Variants in NRG1 observed in about 807,000 individuals in gnomAD.
The protein encoded by NRG1 is neuregulin 1.
NRG1 carries 18 observed loss-of-function variants against 63.8 expected under a neutral mutation model. The observed-to-expected ratio is 0.28, with a 90% CI of 0.19 to 0.42. The LOEUF is 0.42. Ranked by LOEUF, NRG1 falls within the 10% of genes least tolerant of loss-of-function variation. The pLI, the probability that NRG1 is intolerant of heterozygous loss-of-function variation, is 1.00. For synonymous variants in NRG1, 302 were observed against 301.3 expected (o/e 1.00, Z -0.02); for missense variants, 762 against 814.7 (o/e 0.94, Z 0.79).
chr8:32,598,060 G>A (rs1224524326), intron 2 of NRG1, among the ~76,000 whole-genome samples: 1 of 152,158 alleles, frequency 6.6e-6, no homozygotes, highest in Non-Finnish European at 1.5e-5. Context: ...AAGGATACCA[G>A]TAATATTTAA....
intron 11 of NRG1, among the ~76,000 whole-genome samples, chr8:32,762,272 T>C (rs1830857259): frequency 6.6e-6 from 1 of 152,110 alleles, no homozygotes; most frequent in Admixed American, 6.6e-5. Flanking sequence ...TTCAATCGTT[T>C]TTTGAAACAT....
intron 1 of NRG1, among the ~76,000 whole-genome samples, chr8:31,912,723 C>A (rs779053159): frequency 6.6e-6 from 1 of 152,050 alleles, no homozygotes; most frequent in African/African-American, 2.4e-5. Context: ...GTCTCTTGCT[C>A]CTTCCCTTAA....
chr8:32,042,778 T>C (rs774489979), intron 1 of NRG1, among the ~76,000 whole-genome samples: 4 of 151,896 alleles, frequency 2.6e-5, no homozygotes, highest in Admixed American at 6.6e-5. Flanking sequence ...ATTGGAAGGC[T>C]CCATGAAAGT....
chr8:32,693,025 G>A (rs184331107), intron 5 of NRG1, among the ~76,000 whole-genome samples: 114 of 152,212 alleles, frequency 7.5e-4, no homozygotes, highest in African/African-American at 2.6e-3. Context: ...ATGCCTTTCC[G>A]GTAGCTGACA....
intron 1 of NRG1, among the ~76,000 whole-genome samples, chr8:31,931,543 C>T (rs760999339): frequency 7.2e-5 from 11 of 152,066 alleles, no homozygotes; most frequent in African/African-American, 9.7e-5. Flanking sequence ...GCAATACACG[C>T]GTGATAATTG....
chr8:31,870,944 G>C (rs2129611541), intron 1 of NRG1, among the ~76,000 whole-genome samples: 1 of 151,842 alleles, frequency 6.6e-6, no homozygotes, highest in South Asian at 2.1e-4. Context: ...AGGAGTACGT[G>C]TTAGTAGCTG....
chr8:31,821,590 T>C (rs771091472), intron 1 of NRG1, among the ~76,000 whole-genome samples: 13 of 152,182 alleles, frequency 8.5e-5, no homozygotes, highest in Non-Finnish European at 1.8e-4. Flanking sequence ...TTAAGTTCTT[T>C]TTGACAGTTT....
intron 1 of NRG1, among the ~76,000 whole-genome samples, chr8:31,809,360 ATATATATACACG>A (rs1471557313): frequency 2.1e-5 from 3 of 143,620 alleles, no homozygotes; most frequent in Non-Finnish European, 3.0e-5. Flanking sequence ...ACACACACAC[ATATATATACACG>A]TATATATACG....
chr8:31,695,029 T>C (rs1167088082), intron 1 of NRG1, among the ~76,000 whole-genome samples: 1 of 152,170 alleles, frequency 6.6e-6, no homozygotes, highest in Admixed American at 6.5e-5. Context: ...TGACTCACAG[T>C]TCTGCAGGCT....
intron 7 of NRG1, chr8:32,749,601 A>T: frequency 6.2e-7 from 1 of 1,613,056 alleles, no homozygotes; most frequent in Admixed American, 1.7e-5. Flanking sequence ...ACCAATCATC[A>T]TTCCTTTTAG....
At chr8:32,497,296 A>C (rs1827316554) in intron 1 of NRG1, among the ~76,000 whole-genome samples, 1 of 151,930 alleles carries the variant, frequency 6.6e-6, no homozygotes, top group Admixed American at 6.6e-5. Flanking sequence ...AAAATACAAA[A>C]ATTAGCTGGG....
chr8:32,173,349 A>T (rs1424879554), intron 1 of NRG1, among the ~76,000 whole-genome samples: 1 of 152,254 alleles, frequency 6.6e-6, no homozygotes, highest in African/African-American at 2.4e-5. Flanking sequence ...AGCATTAAAC[A>T]TGGAAAGGAA....
intron 5 of NRG1, among the ~76,000 whole-genome samples, chr8:32,690,118 A>G (rs544394731): frequency 7.2e-5 from 11 of 152,306 alleles, no homozygotes; most frequent in African/African-American, 2.6e-4. Flanking sequence ...AGGGGGTCCA[A>G]TAGAGCCAGC....
At chr8:31,755,638 A>C (rs549530182) in intron 1 of NRG1, among the ~76,000 whole-genome samples, 1 of 152,182 alleles carries the variant, frequency 6.6e-6, no homozygotes, top group East Asian at 1.9e-4. Flanking sequence ...CTAGGGCTTT[A>C]TGTATGATTA....
intron 7 of NRG1, 145 bp from the exon 8 acceptor site, chr8:32,754,227 C>T (rs962791989): frequency 1.4e-6 from 1 of 695,574 alleles, no homozygotes; most frequent in Non-Finnish European, 2.5e-6. Flanking sequence ...TGTACCTTAG[C>T]TATGTGTGTA....
In NRG1 at chr8:32,266,289, C is replaced by A. The variant is rs958536870; in HGVS notation, c.38-329539C>A. Among the ~76,000 whole-genome samples the A allele has an allele frequency of 3.9e-5, 6 of 152,266 alleles. No individual in the cohort carries two copies. The South Asian group carries it at 1.2e-3, about 32-fold the overall frequency. ...GAAGATTAATCCCACCAGTGAGACA[C>A]AAGGAATGCTTAATTTTGGAAGTGA... On this transcript the variant is annotated intron_variant, in intron 1 of 10. Coordinates refer to the NRG1 transcript ENST00000519301.
intron 1 of NRG1, among the ~76,000 whole-genome samples, chr8:32,457,747 GTTTGTTTTGT>G (rs1277539871): frequency 6.6e-6 from 1 of 152,036 alleles, no homozygotes; most frequent in Admixed American, 6.6e-5. Context: ...GAAAGTTTTT[GTTTGTTTTGT>G]TGTGTTTTAT....
chr8:31,894,845 CG>C (rs1831449700), intron 1 of NRG1, among the ~76,000 whole-genome samples: 1 of 152,056 alleles, frequency 6.6e-6, no homozygotes, highest in Non-Finnish European at 1.5e-5. Context: ...CCACCGCACC[CG>C]GCCCATAATT....
At chr8:31,846,676 T>C (rs776733798) in intron 1 of NRG1, among the ~76,000 whole-genome samples, 5 of 152,220 alleles carry the variant, frequency 3.3e-5, no homozygotes, top group Non-Finnish European at 7.3e-5. Context: ...CACACAATGC[T>C]GTAGGAATTC....
Sources: allele counts gnomAD v4.1 joint callset (sites outside exome capture counted in the v4.1 genomes callset), GRCh38; gene constraint gnomAD v4.1.1; transcripts MANE v1.5; gene names NCBI Gene and HGNC (gene_info 2026-07-23, HGNC 2026-07-21).